CACNA1E: variants seen among roughly 807,000 people sequenced by gnomAD.
The protein encoded by CACNA1E is voltage-dependent R-type calcium channel subunit alpha-1E.
CACNA1E carries 40 observed loss-of-function variants against 259.2 expected under a neutral mutation model. That is an observed-to-expected ratio of 0.15 (90% confidence interval 0.12 to 0.20). CACNA1E has a LOEUF of 0.20. Ranked by LOEUF, CACNA1E falls within the 10% of genes least tolerant of loss-of-function variation. The pLI, the probability that CACNA1E is intolerant of heterozygous loss-of-function variation, is 1.00. For synonymous variants in CACNA1E, 1,104 were observed against 1,138.5 expected (o/e 0.97, Z 0.61); for missense variants, 1,874 against 3,040.1 (o/e 0.62, Z 9.02).
At chr1:181,552,387 G>A (rs1648265548) in intron 3 of CACNA1E, among the ~76,000 whole-genome samples, 1 of 152,130 alleles carries the variant, frequency 6.6e-6, no homozygotes, top group South Asian at 2.1e-4. Context: ...ATGGAATGCC[G>A]TGGCAAAACT....
intron 7 of CACNA1E, among the ~76,000 whole-genome samples, chr1:181,701,887 A>G (rs1044311504): frequency 3.9e-5 from 6 of 152,204 alleles, no homozygotes; most frequent in African/African-American, 1.2e-4. Context: ...ATTTGCAGCA[A>G]TATCAACAAC....
rs548305200 is a variant in CACNA1E at position 181,420,070 on chromosome 1, A to G, written c.434+6490A>G. Among the ~76,000 whole-genome samples the G allele has an allele frequency of 2.0e-5, 3 of 152,234 alleles. No homozygotes were observed. The South Asian group carries it at 6.2e-4, about 32-fold the overall frequency. Reference sequence around the variant, plus strand: ...AGGGTTCTCTGTGGGCAGCCCTGACAGCATCTTGCTCCTCCCAAGGCCCTG... The same window carrying G: ...AGGGTTCTCTGTGGGCAGCCCTGACGGCATCTTGCTCCTCCCAAGGCCCTG... On this transcript the variant is annotated intron_variant, in intron 2 of 11. Coordinates refer to the CACNA1E transcript ENST00000524607.
intron 7 of CACNA1E, among the ~76,000 whole-genome samples, chr1:181,677,915 G>T (rs1266854534): frequency 1.3e-5 from 2 of 152,134 alleles, no homozygotes; most frequent in African/African-American, 4.8e-5. Flanking sequence ...GAATATGAGA[G>T]TGGTGGGAAC....
intron 1 of CACNA1E, among the ~76,000 whole-genome samples, chr1:181,409,519 C>G (rs1657696887): frequency 2.6e-5 from 4 of 152,166 alleles, no homozygotes. Context: ...GAACTCAGTA[C>G]TAGGTGCTGG....
At chr1:181,488,244 T>G (rs1664020215) in intron 1 of CACNA1E, among the ~76,000 whole-genome samples, 2 of 152,244 alleles carry the variant, frequency 1.3e-5, no homozygotes, top group Non-Finnish European at 2.9e-5. Context: ...GATAGTAGAC[T>G]GAGGTCCCGG....
At position 181,802,382 on chromosome 1, in the gene CACNA1E, C is replaced by T. The variant is rs567485157; in HGVS notation, c.*3548C>T. The T allele has an allele frequency of 6.6e-6, 1 of 152,316 alleles. No homozygotes were observed. Among genetic ancestry groups the T allele is most frequent in the South Asian group, 2.1e-4 (1 of 4,816 alleles). 9.4% of individuals were successfully genotyped at this position (152,316 alleles called of 1,614,324 possible). The stretch of plus-strand genomic sequence containing the variant: ...TGACTCTGGGGCCACAAAGAGAAGG[C>T]CCCATAATCCACCTCTCAGCCAGTA... On this transcript the variant is annotated 3_prime_UTR_variant, in exon 48 of 48. Coordinates refer to ENST00000367573, the MANE Select transcript of CACNA1E (RefSeq NM_001205293.3).
intron 6 of CACNA1E, among the ~76,000 whole-genome samples, chr1:181,623,189 A>T (rs943346704): frequency 6.6e-6 from 1 of 152,182 alleles, no homozygotes; most frequent in Non-Finnish European, 1.5e-5. Flanking sequence ...GGCTCTCCCT[A>T]ACTAATTTGG....
At chr1:181,699,565 T>G (rs1327884542) in intron 7 of CACNA1E, among the ~76,000 whole-genome samples, 1 of 152,122 alleles carries the variant, frequency 6.6e-6, no homozygotes, top group South Asian at 2.1e-4. Context: ...GATAGCATGA[T>G]GTATTTTGAA....
intron 16 of CACNA1E, 53 bp downstream of exon 16, chr1:181,721,928 T>G (rs1013883285): frequency 8.7e-7 from 1 of 1,153,598 alleles, no homozygotes; most frequent in Admixed American, 1.7e-5. Flanking sequence ...TGGACCAGCA[T>G]TTGAGGAGGC....
chr1:181,533,548 C>T (rs2102742042), intron 3 of CACNA1E, among the ~76,000 whole-genome samples: 1 of 151,658 alleles, frequency 6.6e-6, no homozygotes, highest in East Asian at 1.9e-4. Context: ...GCCAATCTTC[C>T]CCTCCATTTG....
rs139787684 is a variant in CACNA1E at position 181,601,427 on chromosome 1, G to A, written c.951+20651G>A. On this transcript the variant is annotated intron_variant, in intron 6 of 47. Transcript: ENST00000367573. ...CCCCGTGATTCTTTTCCTGCTCAAAGCCATCTGCTCTCTCCCACCTGGTCC... is the reference window on the plus strand; with the variant it reads ...CCCCGTGATTCTTTTCCTGCTCAAAACCATCTGCTCTCTCCCACCTGGTCC... 4.5e-3 allele frequency among the ~76,000 whole-genome samples: 689 copies of A among 152,160 alleles called. 1 individual carries two copies. The highest frequency in any genetic ancestry group is 0.012 in the South Asian group (59 of 4,814).
intron 2 of CACNA1E, among the ~76,000 whole-genome samples, chr1:181,437,254 T>C (rs1262859330): frequency 1.3e-5 from 2 of 152,172 alleles, no homozygotes; most frequent in Non-Finnish European, 2.9e-5. Flanking sequence ...TTTTAAAATT[T>C]TCCACATTTG....
At chr1:181,652,481 A>G (rs1353836505) in intron 7 of CACNA1E, among the ~76,000 whole-genome samples, 1 of 152,254 alleles carries the variant, frequency 6.6e-6, no homozygotes, top group Non-Finnish European at 1.5e-5. Flanking sequence ...ATGACAAGAG[A>G]TGAAAGATGT....
At chr1:181,581,959 C>A (rs557823208) in intron 6 of CACNA1E, among the ~76,000 whole-genome samples, 1 of 152,190 alleles carries the variant, frequency 6.6e-6, no homozygotes, top group Non-Finnish European at 1.5e-5. Context: ...TACAAAGCAC[C>A]CTTTAGAAAG....
rs60257271 is a variant in CACNA1E, at chr1:181,440,983, CAAAAAAAAA to C, written c.434+27431_434+27439del. ...GTGAGAGAGCGAGACGACCTTGTTT[CAAAAAAAAA>C]AAAAAAAAAAAAAAAAAAAAAAAAA... On this transcript the variant is annotated intron_variant, in intron 2 of 11. Coordinates refer to the CACNA1E transcript ENST00000524607. Among the ~76,000 whole-genome samples the C allele has an allele frequency of 1.1e-3, 43 of 38,186 alleles. 2 individuals carry two copies. The highest frequency in any genetic ancestry group is 3.9e-3 in the African/African-American group (39 of 10,112). 25.1% of individuals were successfully genotyped at this position (38,186 alleles called of 152,430 possible). A position where few individuals can be genotyped will look rare whatever the true frequency, so the allele number is the denominator to read the frequency against.
intron 1 of CACNA1E, among the ~76,000 whole-genome samples, chr1:181,352,708 A>C (rs1311290455): frequency 3.3e-5 from 5 of 152,186 alleles, no homozygotes; most frequent in South Asian, 2.1e-4. Flanking sequence ...CATCAACTAA[A>C]TTGCTTGCCT....
intron 3 of CACNA1E, among the ~76,000 whole-genome samples, chr1:181,532,352 G>A (rs537703310): frequency 1.3e-5 from 2 of 152,318 alleles, no homozygotes; most frequent in East Asian, 1.9e-4. Context: ...TCTTTGGTTT[G>A]GATGAATAAT....
chr1:181,406,550 C>A (rs1364711143), intron 1 of CACNA1E, among the ~76,000 whole-genome samples: 2 of 152,132 alleles, frequency 1.3e-5, no homozygotes, highest in East Asian at 3.8e-4. Context: ...CACCTGCCAG[C>A]ATGCCCGGTT....
At chr1:181,357,603 A>T (rs1653546914) in intron 1 of CACNA1E, among the ~76,000 whole-genome samples, 1 of 152,162 alleles carries the variant, frequency 6.6e-6, no homozygotes, top group South Asian at 2.1e-4. Flanking sequence ...CCTAGATAGG[A>T]TTGCCTGTAT....
Sources: allele counts gnomAD v4.1 joint callset (sites outside exome capture counted in the v4.1 genomes callset), GRCh38; gene constraint gnomAD v4.1.1; transcripts MANE v1.5; gene names NCBI Gene and HGNC (gene_info 2026-07-23, HGNC 2026-07-21).